The following CATSPERD variants were observed in gnomAD, a reference collection of about 807,000 sequenced individuals.
The protein encoded by CATSPERD is cation channel sperm-associated auxiliary subunit delta.
CATSPERD carries 86 observed loss-of-function variants against 98.1 expected under a neutral mutation model. The ratio of observed to expected loss-of-function variants is 0.88; its 90% CI spans 0.74 to 1.05. The LOEUF is 1.05. CATSPERD is among the 50% of genes least tolerant of loss of function. CATSPERD has a pLI of 0.00. For missense variants in CATSPERD, 995 were observed against 1,005.7 expected, an observed-to-expected ratio of 0.99 and a Z score of 0.14; for synonymous variants, 394 against 390.2, an observed-to-expected ratio of 1.01 and a Z score of -0.12.
At chr19:5,748,133 T>G in intron 9 of CATSPERD, 27 bp from the exon 10 acceptor site, 1 of 1,590,408 alleles carries the variant, frequency 6.3e-7, no homozygotes, top group Non-Finnish European at 8.6e-7. Context: ...ACACGGGGCC[T>G]CATGCACCTG....
At chr19:5,766,917 T>C (rs2056548379) in intron 17 of CATSPERD, among the ~76,000 whole-genome samples, 1 of 151,754 alleles carries the variant, frequency 6.6e-6, no homozygotes, top group Non-Finnish European at 1.5e-5. Context: ...GGTCTCCAAA[T>C]CCTGACCTCA....
At chr19:5,756,835 C>A (rs372473151) in intron 13 of CATSPERD, among the ~76,000 whole-genome samples, 3 of 151,892 alleles carry the variant, frequency 2.0e-5, no homozygotes, top group African/African-American at 7.3e-5. Context: ...CCCAGCTACT[C>A]GGGAGGCTGA....
At chr19:5,736,965 G>A (rs2055859082) in intron 5 of CATSPERD, among the ~76,000 whole-genome samples, 173 bp from the exon 6 acceptor site, 1 of 152,000 alleles carries the variant, frequency 6.6e-6, no homozygotes, top group Non-Finnish European at 1.5e-5. Flanking sequence ...GCTGAGGCAG[G>A]AGAATGGCAT....
chr19:5,770,388 C>T (rs1046439241), intron 18 of CATSPERD, among the ~76,000 whole-genome samples: 1 of 149,954 alleles, frequency 6.7e-6, no homozygotes, highest in Non-Finnish European at 1.5e-5. Context: ...TGAGATTGCA[C>T]CACTGTGCTC....
intron 16 of CATSPERD, among the ~76,000 whole-genome samples, chr19:5,765,002 C>G (rs2056511100): frequency 6.6e-6 from 1 of 152,080 alleles, no homozygotes. Context: ...CCTCAACCTT[C>G]TAGGCTCAAG....
intron 8 of CATSPERD, 21 bp downstream of exon 8, chr19:5,744,531 G>A: frequency 6.3e-7 from 1 of 1,575,544 alleles, no homozygotes; most frequent in South Asian, 1.1e-5. Flanking sequence ...GCAGAGGGAA[G>A]AACTACTCAG....
At chr19:5,763,663 C>T (rs2056484217) in intron 16 of CATSPERD, among the ~76,000 whole-genome samples, 1 of 151,772 alleles carries the variant, frequency 6.6e-6, no homozygotes, top group Non-Finnish European at 1.5e-5. Context: ...ATGATTGAAG[C>T]AGTTGAAAGC....
At chr19:5,729,292 G>A (rs1033811110) in intron 3 of CATSPERD, among the ~76,000 whole-genome samples, 1 of 148,514 alleles carries the variant, frequency 6.7e-6, no homozygotes, top group Non-Finnish European at 1.5e-5. Flanking sequence ...TAGAGATGGG[G>A]TTTCAACATG....
chr19:5,763,071 T>G (rs1599578558), intron 15 of CATSPERD, 144 bp from the exon 16 acceptor site: 1 of 627,918 alleles, frequency 1.6e-6, no homozygotes. Context: ...GATGGATGGG[T>G]GGGTGGAATG....
intron 4 of CATSPERD, among the ~76,000 whole-genome samples, chr19:5,730,732 G>C (rs2055698707): frequency 6.6e-6 from 1 of 151,682 alleles, no homozygotes; most frequent in Non-Finnish European, 1.5e-5. Flanking sequence ...AGCCTGGGCG[G>C]CTGGGCACGG....
rs2055621971 is a variant in CATSPERD, at chr19:5,727,210, T to C, written c.127-58T>C. On this transcript the variant is annotated intron_variant, in intron 2 of 21. Coordinates refer to ENST00000381624, the MANE Select transcript of CATSPERD (RefSeq NM_152784.4). ...ACTCTTGTCTCAAAAAAAAAAATTA[T>C]TTCTATCAGCTGTTTATGGTTATTG... The C allele has an allele frequency of 2.2e-6, 3 of 1,366,166 alleles. No homozygotes were observed. In the Admixed American group the frequency reaches 5.4e-5, roughly 25 times the overall value. The allele number at this position is 1,366,166 out of a possible 1,614,324, so 84.6% of individuals were successfully genotyped here. A position where few individuals can be genotyped will look rare whatever the true frequency, so the allele number is the denominator to read the frequency against.
At chr19:5,731,559 A>ACTTTTTT (rs1568342216) in intron 4 of CATSPERD, among the ~76,000 whole-genome samples, 1 of 78,508 alleles carries the variant, frequency 1.3e-5, no homozygotes, top group African/African-American at 4.6e-5. Flanking sequence ...GACACTTAAC[A>ACTTTTTT]GTTTTTTTTT....
chr19:5,748,652 C>A, intron 10 of CATSPERD, among the ~76,000 whole-genome samples: 1 of 142,836 alleles, frequency 7.0e-6, no homozygotes, highest in East Asian at 2.1e-4. Flanking sequence ...AGCTTCAACT[C>A]TGTATTTTTT....
chr19:5,748,976 C>A, intron 10 of CATSPERD, 125 bp from the exon 11 acceptor site: 1 of 629,088 alleles, frequency 1.6e-6, no homozygotes, highest in Non-Finnish European at 2.7e-6. Flanking sequence ...GTGATCCACC[C>A]CCCTCGGCCT....
chr19:5,743,162 G>A (rs1012403559), intron 7 of CATSPERD, among the ~76,000 whole-genome samples: 7 of 151,990 alleles, frequency 4.6e-5, no homozygotes, highest in Admixed American at 3.3e-4. Context: ...AATTAGCCAG[G>A]TGTGGTGGCA....
chr19:5,754,586 C>T (rs1248764109), intron 13 of CATSPERD, among the ~76,000 whole-genome samples: 3 of 151,702 alleles, frequency 2.0e-5, no homozygotes, highest in Admixed American at 6.6e-5. Flanking sequence ...TTAGTGGAGA[C>T]GGGGTTCCCC....
intron 4 of CATSPERD, among the ~76,000 whole-genome samples, chr19:5,730,548 A>G: frequency 1.1e-5 from 1 of 92,510 alleles, no homozygotes; most frequent in Non-Finnish European, 2.2e-5. Context: ...GTCTTAAAAA[A>G]TAATAATAAA....
At chr19:5,760,039 A>C (rs1568365551) in intron 15 of CATSPERD, among the ~76,000 whole-genome samples, 1 of 124,486 alleles carries the variant, frequency 8.0e-6, no homozygotes, top group Non-Finnish European at 1.6e-5. Flanking sequence ...GTGGCACTGC[A>C]CTCCAGCCTG....
chr19:5,749,725 C>T (rs181335653), intron 11 of CATSPERD, among the ~76,000 whole-genome samples: 6 of 151,952 alleles, frequency 3.9e-5, no homozygotes, highest in Non-Finnish European at 2.9e-5. Flanking sequence ...AGACCTAAGT[C>T]GTCTGTCCAG....
Sources: gnomAD v4.1 joint callset for allele counts (sites outside exome capture counted in the v4.1 genomes callset) on GRCh38, gnomAD v4.1.1 for gene constraint, MANE v1.5 for transcripts, NCBI Gene and HGNC (gene_info 2026-07-23, HGNC 2026-07-21) for gene names.